Variants in EDAR observed in about 807,000 individuals in gnomAD.
EDAR encodes ectodysplasin A receptor.
In EDAR, 38 loss-of-function variants were observed where a neutral mutation model predicts 51.3. The observed-to-expected ratio is 0.74, with a 90% CI of 0.57 to 0.97. The LOEUF (loss-of-function observed/expected upper bound fraction) is 0.97. EDAR is among the 50% of genes least tolerant of loss of function. The pLI is 0.00. For synonymous variants in EDAR, 227 were observed against 242.1 expected (o/e 0.94, Z 0.58); for missense variants, 528 against 595.0 (o/e 0.89, Z 1.17).
intron 1 of EDAR, among the ~76,000 whole-genome samples, chr2:108,953,391 G>T (rs1330431872): frequency 6.6e-6 from 1 of 152,074 alleles, no homozygotes; most frequent in Admixed American, 6.6e-5. Flanking sequence ...TCCACAAATT[G>T]TAGATACTTT....
chr2:108,959,703 G>A (rs1698001015), intron 1 of EDAR, among the ~76,000 whole-genome samples: 1 of 152,170 alleles, frequency 6.6e-6, no homozygotes, highest in Admixed American at 6.5e-5. Flanking sequence ...CGTGGGCAGT[G>A]GAGATTTCGC....
At position 108,896,742 on chromosome 2, in the gene EDAR, T is replaced by C. The variant is rs1696600996; in HGVS notation, c.*165A>G. 1 of 666,252 alleles carries C rather than the reference T, an allele frequency of 1.5e-6. No homozygotes were observed. The highest frequency in any genetic ancestry group is 2.5e-6 in the Non-Finnish European group (1 of 395,978). 41.3% of individuals were successfully genotyped at this position (666,252 alleles called of 1,614,324 possible). On this transcript the variant is annotated 3_prime_UTR_variant, in exon 12 of 12. Coordinates refer to ENST00000258443, the MANE Select transcript of EDAR (RefSeq NM_022336.4). ...CTCTAGTCCTTTATCTTTGGTTAAATTGGAAGACAGGCCTTATTTCGTCTG... is the reference window on the plus strand; with the variant it reads ...CTCTAGTCCTTTATCTTTGGTTAAACTGGAAGACAGGCCTTATTTCGTCTG...
chr2:108,970,324 G>A (rs567002246), intron 1 of EDAR, among the ~76,000 whole-genome samples: 7 of 152,300 alleles, frequency 4.6e-5, no homozygotes, highest in African/African-American at 1.7e-4. Flanking sequence ...ACAGGATGCA[G>A]GAAATATTTC....
intron 1 of EDAR, among the ~76,000 whole-genome samples, chr2:108,944,039 T>C (rs1160259808): frequency 6.6e-6 from 1 of 152,252 alleles, no homozygotes; most frequent in African/African-American, 2.4e-5. Context: ...TTCTCAGGAA[T>C]GTACACAGGC....
intron 4 of EDAR, among the ~76,000 whole-genome samples, chr2:108,924,643 G>C (rs542791473): frequency 7.9e-5 from 12 of 152,154 alleles, no homozygotes; most frequent in Non-Finnish European, 1.6e-4. Context: ...GCCTTCCTGA[G>C]CCTGGACTGT....
intron 4 of EDAR, among the ~76,000 whole-genome samples, chr2:108,928,969 G>A (rs544973130): frequency 6.6e-6 from 1 of 152,298 alleles, no homozygotes; most frequent in Non-Finnish European, 1.5e-5. Context: ...GATGGTTAAT[G>A]GCCACTTAGG....
chr2:108,929,466 G>T, intron 3 of EDAR, 87 bp from the exon 4 acceptor site: 2 of 1,396,386 alleles, frequency 1.4e-6, no homozygotes, highest in Non-Finnish European at 2.0e-6. Context: ...GCAGTGACGT[G>T]CCAGCTGTCT....
chr2:108,918,722 G>A (rs533587718), intron 5 of EDAR, among the ~76,000 whole-genome samples: 58 of 152,306 alleles, frequency 3.8e-4, no homozygotes, highest in Non-Finnish European at 7.6e-4. Context: ...AGGGAGCTAC[G>A]CCTCCATTTA....
intron 2 of EDAR, among the ~76,000 whole-genome samples, chr2:108,930,559 C>T (rs1349899982): frequency 6.6e-6 from 1 of 152,114 alleles, no homozygotes; most frequent in Non-Finnish European, 1.5e-5. Flanking sequence ...AGGAGGCGCC[C>T]CTGTCCCCCA....
At chr2:108,905,049 A>G (rs1310751939) in intron 11 of EDAR, among the ~76,000 whole-genome samples, 1 of 152,074 alleles carries the variant, frequency 6.6e-6, no homozygotes, top group Non-Finnish European at 1.5e-5. Context: ...AATTAAAGAC[A>G]AAACAAAACA....
intron 1 of EDAR, among the ~76,000 whole-genome samples, chr2:108,980,722 C>A (rs906883663): frequency 6.6e-6 from 1 of 151,974 alleles, no homozygotes; most frequent in Admixed American, 6.6e-5. Flanking sequence ...CATCTTGGGC[C>A]AGCGCGTTTT....
intron 11 of EDAR, among the ~76,000 whole-genome samples, chr2:108,899,413 T>C (rs1315125263): frequency 3.3e-5 from 5 of 152,174 alleles, no homozygotes; most frequent in African/African-American, 9.7e-5. Context: ...CCAGCAGACC[T>C]ATCCTAAAAG....
At chr2:108,943,766 C>T (rs555498742) in intron 1 of EDAR, among the ~76,000 whole-genome samples, 34 of 152,216 alleles carry the variant, frequency 2.2e-4, no homozygotes, top group Admixed American at 1.6e-3. Context: ...CTGAGCACCC[C>T]TCCTTTCTCC....
At chr2:108,923,311 G>T in intron 5 of EDAR, 57 bp downstream of exon 5, 1 of 1,538,484 alleles carries the variant, frequency 6.5e-7, no homozygotes, top group Non-Finnish European at 9.0e-7. Context: ...ACCCTCTGTA[G>T]TGAAAGGGAT....
At chr2:108,937,688 TGTGTATGTGTGTGA>T (rs1249453599) in intron 1 of EDAR, among the ~76,000 whole-genome samples, 11 of 151,812 alleles carry the variant, frequency 7.2e-5, no homozygotes, top group Middle Eastern at 3.2e-3. Context: ...GTGTATGTGA[TGTGTATGTGTGTGA>T]GTGTATGTGT....
chr2:108,936,084 C>A (rs1313746711), intron 1 of EDAR, among the ~76,000 whole-genome samples: 5 of 152,236 alleles, frequency 3.3e-5, no homozygotes, highest in African/African-American at 1.2e-4. Flanking sequence ...GGCAGATGGT[C>A]CAGCCTCCGG....
chr2:108,933,325 G>A lies in EDAR; in HGVS notation c.-18-2293C>T, dbSNP rs190064735. On this transcript the variant is annotated intron_variant, in intron 1 of 11. Transcript: ENST00000258443. ...TTTTTATTTTATGCAGGTCTGTATT[G>A]TCTGAGTGGTCTAGAAGAGAGAGTA... 1.9e-3 allele frequency among the ~76,000 whole-genome samples: 295 copies of A among 152,268 alleles called. 2 individuals are homozygous for A. In the South Asian group the frequency reaches 0.025, roughly 13 times the overall value.
intron 1 of EDAR, among the ~76,000 whole-genome samples, chr2:108,968,030 T>C (rs1026449126): frequency 3.9e-5 from 6 of 152,150 alleles, no homozygotes; most frequent in South Asian, 4.1e-4. Context: ...TTATTGAGCA[T>C]AGGACATGCG....
chr2:108,980,874 C>T (rs781145042), intron 1 of EDAR, among the ~76,000 whole-genome samples: 1 of 152,136 alleles, frequency 6.6e-6, no homozygotes, highest in African/African-American at 2.4e-5. Flanking sequence ...CCACACCAAC[C>T]CCCGTGTAGC....
Sources: gnomAD v4.1 joint callset for allele counts (sites outside exome capture counted in the v4.1 genomes callset) on GRCh38, gnomAD v4.1.1 for gene constraint, MANE v1.5 for transcripts, NCBI Gene and HGNC (gene_info 2026-07-23, HGNC 2026-07-21) for gene names.